CMYA5: variants seen among roughly 807,000 people sequenced by gnomAD.
The protein encoded by CMYA5 is cardiomyopathy-associated protein 5.
Under a neutral mutation model 318.9 loss-of-function variants are expected in CMYA5, and 246 were observed. That is an observed-to-expected ratio of 0.77 (90% CI 0.70 to 0.86). CMYA5 has a LOEUF of 0.86. CMYA5 is among the 40% of genes least tolerant of loss of function. The pLI is 0.00. For missense variants in CMYA5, 4,589 were observed against 4,678.2 expected, an observed-to-expected ratio of 0.98 and a Z score of 0.56; for synonymous variants, 1,641 against 1,729.5, an observed-to-expected ratio of 0.95 and a Z score of 1.27.
chr5:79,741,087 AG>A (rs1299672139), intron 2 of CMYA5, among the ~76,000 whole-genome samples: 3 of 152,180 alleles, frequency 2.0e-5, no homozygotes, highest in African/African-American at 7.2e-5. Context: ...TGTGCTGCCC[AG>A]GCTGCTCTAG....
chr5:79,721,321 T>C (rs1356758723), intron 1 of CMYA5, among the ~76,000 whole-genome samples: 1 of 151,960 alleles, frequency 6.6e-6, no homozygotes, highest in African/African-American at 2.4e-5. Flanking sequence ...CCCATGTCTA[T>C]TTTTAAAAAA....
At chr5:79,784,520 G>A (rs1397710456) in intron 9 of CMYA5, among the ~76,000 whole-genome samples, 2 of 91,412 alleles carry the variant, frequency 2.2e-5, no homozygotes, top group African/African-American at 5.1e-5. Context: ...CCCCAGCCTC[G>A]CTGCCGCCTT....
At chr5:79,691,400 A>G (rs1202632854) in intron 1 of CMYA5, among the ~76,000 whole-genome samples, 1 of 152,230 alleles carries the variant, frequency 6.6e-6, no homozygotes, top group Non-Finnish European at 1.5e-5. Flanking sequence ...CTGAAAACTC[A>G]TTTACACTAA....
intron 5 of CMYA5, among the ~76,000 whole-genome samples, chr5:79,749,995 C>T (rs1325239360): frequency 6.9e-6 from 1 of 144,758 alleles, no homozygotes; most frequent in Non-Finnish European, 1.5e-5. Context: ...AAGTGATCTC[C>T]TAAGGTTTTT....
chr5:79,787,484 A>G (rs900486689), intron 9 of CMYA5, among the ~76,000 whole-genome samples: 4 of 152,248 alleles, frequency 2.6e-5, no homozygotes, highest in African/African-American at 9.6e-5. Flanking sequence ...TACATTCTCA[A>G]TCATAGGACA....
At chr5:79,698,689 G>A (rs748412546) in intron 1 of CMYA5, among the ~76,000 whole-genome samples, 3 of 152,168 alleles carry the variant, frequency 2.0e-5, no homozygotes, top group Admixed American at 6.5e-5. Context: ...CTTGTCTTCC[G>A]TGGTCACATC....
chr5:79,736,742 A>G lies in CMYA5; in HGVS notation c.7977A>G (p.Leu2659=), dbSNP rs373625432. ...HSLSQEGNLV[L]EKSSRDMPDH... ...TATCTCAGGAAGGAAATCTAGTATT[A>G]GAAAAGTCAAGCAGAGATATGCCAG... is the stretch of plus-strand genomic sequence containing the variant. The change falls in exon 2 of 13, where the codon TTA becomes TTG. Residue 2659 remains leucine, a synonymous_variant. Coordinates refer to ENST00000446378, the MANE Select transcript of CMYA5 (RefSeq NM_153610.5). 1.2e-6 allele frequency: 2 copies of G among 1,613,452 alleles called. No individual in the cohort carries two copies. The highest frequency in any genetic ancestry group is 1.7e-6 in the Non-Finnish European group (2 of 1,179,754).
rs1299050437 is a variant in CMYA5, at chr5:79,729,635, A to T, written c.870A>T (p.Gln290His). The change falls in exon 2 of 13, where the codon CAA (glutamine) becomes CAT (histidine). Residue 290 changes from glutamine to histidine, a missense_variant. By Grantham distance (24) the Gln-to-His change is conservative. Transcript: ENST00000446378. Reference protein sequence around the residue: ...TVSKTRKLVAQSIEDKVKEVF... With the variant: ...TVSKTRKLVAHSIEDKVKEVF... ...CCAAAACACGCAAATTAGTAGCCCA[A>T]AGCATAGAGGATAAAGTAAAAGAGG... 6.2e-7 allele frequency: 1 copy of T among 1,613,828 alleles called. No homozygotes were observed. The highest frequency in any genetic ancestry group is 8.5e-7 in the Non-Finnish European group (1 of 1,179,870).
At chr5:79,757,353 C>T (rs1025307693) in intron 6 of CMYA5, among the ~76,000 whole-genome samples, 1 of 152,102 alleles carries the variant, frequency 6.6e-6, no homozygotes, top group Non-Finnish European at 1.5e-5. Flanking sequence ...TGTTTGTACG[C>T]ATAATCATGA....
chr5:79,762,023 C>A (rs1303982339), intron 8 of CMYA5, 66 bp downstream of exon 8: 1 of 1,510,872 alleles, frequency 6.6e-7, no homozygotes, highest in Non-Finnish European at 8.9e-7. Flanking sequence ...CTCTTGAGAT[C>A]AGCCAGTAAG....
chr5:79,733,010 A>G lies in CMYA5; in HGVS notation c.4245A>G (p.Glu1415=). The change falls in exon 2 of 13, where the codon GAA becomes GAG. Residue 1415 remains glutamate (E), a synonymous_variant. Coordinates refer to ENST00000446378, the MANE Select transcript of CMYA5 (RefSeq NM_153610.5). ...TSADEHSVLA[E]EDKVAIKGAS... ...CAGATGAACATTCAGTTCTTGCAGA[A>G]GAAGACAAGGTGGCAATTAAAGGTG... The G allele has an allele frequency of 6.2e-7, 1 of 1,613,458 alleles. No individual in the cohort carries two copies. Among genetic ancestry groups the G allele is most frequent in the Non-Finnish European group, 8.5e-7 (1 of 1,179,676 alleles).
At chr5:79,739,532 A>C in intron 2 of CMYA5, 129 bp downstream of exon 2, 1 of 743,578 alleles carries the variant, frequency 1.3e-6, no homozygotes, top group Non-Finnish European at 2.0e-6. Context: ...TCTGAAAGCA[A>C]ACTAAGAATA....
intron 1 of CMYA5, among the ~76,000 whole-genome samples, chr5:79,714,431 C>CTTTTTCTTTTTTTTTTTTTTTTTTTTTT (rs767402291): frequency 5.0e-5 from 5 of 100,676 alleles, no homozygotes; most frequent in Admixed American, 2.3e-4. Context: ...TTTTCTTTTT[C>CTTTTTCTTTTTTTTTTTTTTTTTTTTTT]TTTTTTTTTT....
intron 10 of CMYA5, 114 bp downstream of exon 10, chr5:79,789,218 T>A: frequency 8.0e-7 from 1 of 1,242,650 alleles, no homozygotes; most frequent in Non-Finnish European, 1.1e-6. Flanking sequence ...CTGTCAGTGG[T>A]AGGTTTTTGT....
chr5:79,733,545 C>T lies in CMYA5; in HGVS notation c.4780C>T (p.Pro1594Ser), dbSNP rs1283706511. The change falls in exon 2 of 13, where the codon CCG becomes TCG. Residue 1594 changes from proline to serine, a missense_variant. Pro to Ser is a moderately conservative substitution (Grantham distance 74). Around this residue, in one of 3 missense-constraint regions of CMYA5, gnomAD observed 2,132 missense variants for 2,131.3 expected, o/e 1.00. Coordinates refer to ENST00000446378, the MANE Select transcript of CMYA5 (RefSeq NM_153610.5). ...GCTCCTCAGTGATGATAAGAACAAACCGGCAGTGGAGGTATCTTCTACAGC... is the reference window on the plus strand; with the variant it reads ...GCTCCTCAGTGATGATAAGAACAAATCGGCAGTGGAGGTATCTTCTACAGC... ...LLLLSDDKNK[P>S]AVEVSSTAQG... 8.7e-6 allele frequency: 14 copies of T among 1,613,762 alleles called. No homozygotes were observed. The South Asian group carries it at 1.4e-4, about 16-fold the overall frequency.
At chr5:79,791,175 CA>C in intron 11 of CMYA5, 106 bp downstream of exon 11, 1 of 711,190 alleles carries the variant, frequency 1.4e-6, no homozygotes, top group South Asian at 1.7e-5. Flanking sequence ...GTGCAGTGAA[CA>C]TGTCGGGATG....
intron 3 of CMYA5, 28 bp from the exon 4 acceptor site, chr5:79,745,194 G>T: frequency 7.1e-7 from 1 of 1,398,938 alleles, no homozygotes; most frequent in Non-Finnish European, 9.8e-7. Flanking sequence ...TCATTCAGAA[G>T]TGGGCTTTTT....
chr5:79,726,099 C>T (rs778723873), intron 1 of CMYA5, among the ~76,000 whole-genome samples: 17 of 152,142 alleles, frequency 1.1e-4, no homozygotes, highest in Non-Finnish European at 2.1e-4. Flanking sequence ...GAGTAAGCAA[C>T]GATTGAGTGA....
chr5:79,722,118 TG>T (rs1196149487), intron 1 of CMYA5, among the ~76,000 whole-genome samples: 1 of 152,200 alleles, frequency 6.6e-6, no homozygotes, highest in Non-Finnish European at 1.5e-5. Context: ...ATAAATTCTC[TG>T]ATCACAATGC....
Sources: allele counts gnomAD v4.1 joint callset (sites outside exome capture counted in the v4.1 genomes callset), GRCh38; gene constraint gnomAD v4.1.1; regional missense constraint gnomAD v4.1.1; transcripts MANE v1.5; gene names NCBI Gene and HGNC (gene_info 2026-07-23, HGNC 2026-07-21).